Variants in MPI observed in about 807,000 individuals in gnomAD.
The protein encoded by MPI is mannose phosphate isomerase, also known as mannose-6-phosphate isomerase.
A neutral mutation model predicts 40.1 loss-of-function variants in MPI; 33 were observed. The observed-to-expected ratio is 0.82, with a 90% CI of 0.62 to 1.10. The LOEUF is 1.10. Ranked by LOEUF, MPI falls within the 50% of genes least tolerant of loss-of-function variation. MPI has a pLI of 0.00. For missense variants in MPI, 514 were observed against 524.1 expected, an observed-to-expected ratio of 0.98 and a Z score of 0.19; for synonymous variants, 187 against 207.4, an observed-to-expected ratio of 0.90 and a Z score of 0.85.
In MPI at chr15:74,897,783, C is replaced by A; in HGVS notation, c.*53C>A. ...GCCAGCCACCCTAAATTCCAGCCAA[C>A]CTCACCTCCTCGGGCCCAGCTCAAG... On this transcript the variant is annotated 3_prime_UTR_variant, in exon 8 of 8. Transcript: ENST00000352410. 6.4e-7 allele frequency: 1 copy of A among 1,557,510 alleles called. No individual in the cohort carries two copies. The highest frequency in any genetic ancestry group is 8.8e-7 in the Non-Finnish European group (1 of 1,131,378).
At chr15:74,894,221 T>C (rs1346296792) in intron 5 of MPI, among the ~76,000 whole-genome samples, 1 of 151,714 alleles carries the variant, frequency 6.6e-6, no homozygotes, top group East Asian at 2.0e-4. Context: ...GTAGCTGGGA[T>C]TACAGGCATG....
At position 74,900,055 on chromosome 15, in the gene MPI, T is replaced by G. The variant is rs1051302097; in HGVS notation, c.*2325T>G. On this transcript the variant is annotated 3_prime_UTR_variant, in exon 8 of 8. Coordinates refer to ENST00000352410, the MANE Select transcript of MPI (RefSeq NM_002435.3). ...GTAGAAGTGCAAGCCAAGAGTTCTA[T>G]AGAGTAGTACATAAACACCATATGG... 1 of 152,214 alleles carries G rather than the reference T, an allele frequency of 6.6e-6. No homozygotes were observed. The highest frequency in any genetic ancestry group is 6.5e-5 in the Admixed American group (1 of 15,284). 9.4% of individuals were successfully genotyped at this position (152,214 alleles called of 1,614,324 possible).
In MPI at chr15:74,890,105, G is replaced by A; in HGVS notation, c.16+16G>A. On this transcript the variant is annotated intron_variant, in intron 1 of 7. Coordinates refer to ENST00000352410, the MANE Select transcript of MPI (RefSeq NM_002435.3). ...GCTCCGCGAGGTGAGCCATTGGCTG[G>A]GGTGTCGGCGAGTGTGTTCGTGGAG... The A allele has an allele frequency of 6.2e-7, 1 of 1,607,906 alleles. No homozygotes were observed. The highest frequency in any genetic ancestry group is 8.5e-7 in the Non-Finnish European group (1 of 1,179,950).
In MPI at chr15:74,890,063, A is replaced by AG. The variant is rs760560338; in HGVS notation, c.-6dup. 40 of 1,606,776 alleles carry AG rather than the reference A, an allele frequency of 2.5e-5. No homozygotes were observed. The highest frequency in any genetic ancestry group is 3.3e-5 in the South Asian group (3 of 91,050). On this transcript the variant is annotated 5_prime_UTR_variant, in exon 1 of 8. Transcript: ENST00000352410. ...AGGCATACGTGCTTAATCCTGGTGC[A>AG]GGGGGCGAGCATGGCCGCTCCGCGA... is the stretch of plus-strand genomic sequence containing the variant.
intron 6 of MPI, chr15:74,896,573 CAGTGTGGGA>C: frequency 1.5e-6 from 1 of 660,882 alleles, no homozygotes; most frequent in Non-Finnish European, 2.7e-6. Context: ...TCCTGCCAGT[CAGTGTGGGA>C]ACCACAATTT....
At chr15:74,896,438 T>C (rs563258287) in intron 6 of MPI, 113 bp downstream of exon 6, 2 of 1,240,368 alleles carry the variant, frequency 1.6e-6, no homozygotes, top group South Asian at 2.5e-5. Flanking sequence ...ACCTTGCAGC[T>C]CTGACCTCTG....
chr15:74,895,924 G>T, intron 5 of MPI: 1 of 583,930 alleles, frequency 1.7e-6, no homozygotes, highest in Non-Finnish European at 3.1e-6. Context: ...GTATAGTCCT[G>T]GGCATATGAA....
At chr15:74,893,091 C>T in intron 4 of MPI, 47 bp from the exon 5 acceptor site, 1 of 1,609,366 alleles carries the variant, frequency 6.2e-7, no homozygotes. Flanking sequence ...TGTGTGGGTT[C>T]CATCTTACCA....
chr15:74,890,934 T>C (rs2064716747), intron 2 of MPI: 1 of 598,834 alleles, frequency 1.7e-6, no homozygotes, highest in Middle Eastern at 2.6e-4. Context: ...TTTGACTATT[T>C]TTTTGCATTT....
chr15:74,901,889 G>A lies in MPI; in HGVS notation c.*4159G>A, dbSNP rs1386474704. ...CAAGGAAATACAAATAAATAAATAT[G>A]AACATGTCAGAGCAGTTTTTCTCTA... On this transcript the variant is annotated 3_prime_UTR_variant, in exon 8 of 8. Transcript: ENST00000352410. 1 of 386,032 alleles carries A rather than the reference G, an allele frequency of 2.6e-6. No individual in the cohort carries two copies. Among genetic ancestry groups the A allele is most frequent in the Admixed American group, 4.5e-5 (1 of 22,296 alleles). The allele number at this position is 386,032 out of a possible 1,614,324, so 23.9% of individuals were successfully genotyped here. A position where few individuals can be genotyped will look rare whatever the true frequency, so the allele number is the denominator to read the frequency against.
chr15:74,894,454 T>C (rs930429653), intron 5 of MPI, among the ~76,000 whole-genome samples: 9 of 150,652 alleles, frequency 6.0e-5, no homozygotes, highest in Non-Finnish European at 1.0e-4. Flanking sequence ...CTTTGGGAGG[T>C]TGAGGCGGCC....
At chr15:74,890,484 G>A in intron 1 of MPI, 43 bp from the exon 2 acceptor site, 11 of 1,613,312 alleles carry the variant, frequency 6.8e-6, no homozygotes, top group Non-Finnish European at 8.5e-6. Context: ...CTAGGGTGGG[G>A]CCTGAGGAGT....
At chr15:74,894,038 C>G (rs62004161) in intron 5 of MPI, among the ~76,000 whole-genome samples, 1,468 of 66,478 alleles carry the variant, frequency 0.022, 514 homozygotes, top group Non-Finnish European at 0.05. Flanking sequence ...TTTTTCTGTT[C>G]AGTGTGTGTG....
At position 74,901,736 on chromosome 15, in the gene MPI, A is replaced by C. The variant is rs2064967440; in HGVS notation, c.*4006A>C. On this transcript the variant is annotated 3_prime_UTR_variant, in exon 8 of 8. Transcript: ENST00000352410. ...AAAAGTTTAAAAAGTAAACAATAGG[A>C]AGGCACCGGACTGCTCCCTGTAGCT... 1 of 188,984 alleles carries C rather than the reference A, an allele frequency of 5.3e-6. No individual in the cohort carries two copies. The highest frequency in any genetic ancestry group is 1.9e-4 in the South Asian group (1 of 5,146). 11.7% of individuals were successfully genotyped at this position (188,984 alleles called of 1,614,324 possible).
chr15:74,890,582 C>T lies in MPI; in HGVS notation c.72C>T (p.Asn24=). Residue 24 remains asparagine, a synonymous_variant, in exon 2 of 8, where the codon AAC becomes AAT. Coordinates refer to ENST00000352410, the MANE Select transcript of MPI (RefSeq NM_002435.3). Reference sequence around the variant, plus strand: ...ATGCCTGGGGGAAGATGGGTTCCAACAGCGAAGTGGCGCGGCTGTTGGCCA... The same window carrying T: ...ATGCCTGGGGGAAGATGGGTTCCAATAGCGAAGTGGCGCGGCTGTTGGCCA... ...QQYAWGKMGS[N]SEVARLLASS... The T allele has an allele frequency of 6.2e-7, 1 of 1,614,208 alleles. No homozygotes were observed. The highest frequency in any genetic ancestry group is 8.5e-7 in the Non-Finnish European group (1 of 1,180,054).
chr15:74,896,182 T>C lies in MPI; in HGVS notation c.701T>C (p.Phe234Ser), dbSNP rs1332769798. The C allele has an allele frequency of 2.5e-6, 4 of 1,614,040 alleles. No homozygotes were observed. The highest frequency in any genetic ancestry group is 2.2e-5 in the East Asian group (1 of 44,898). The change falls in exon 6 of 8, where the codon TTT (phenylalanine) becomes TCT (serine). Residue 234 changes from phenylalanine (F) to serine (S), a missense_variant. Coordinates refer to ENST00000352410, the MANE Select transcript of MPI (RefSeq NM_002435.3). The part of the protein sequence containing the change: ...AAAGNNMEDI[F>S]GELLLQLHQQ... ...GCCGGAAACAACATGGAGGACATCT[T>C]TGGGGAGCTTTTGCTACAGCTGCAC...
chr15:74,897,832 T>G lies in MPI; in HGVS notation c.*102T>G, dbSNP rs529471261. 4.4e-6 allele frequency: 5 copies of G among 1,142,152 alleles called. No homozygotes were observed. In the African/African-American group the frequency reaches 7.6e-5, roughly 17 times the overall value. 70.8% of individuals were successfully genotyped at this position (1,142,152 alleles called of 1,614,324 possible). A position where few individuals can be genotyped will look rare whatever the true frequency, so the allele number is the denominator to read the frequency against. ...AGCCCCCTTCCTTGCTCTGGACCCCTTAGGTATACCCTGGAAGAGCTGGGG... is the reference window on the plus strand; with the variant it reads ...AGCCCCCTTCCTTGCTCTGGACCCCGTAGGTATACCCTGGAAGAGCTGGGG... On this transcript the variant is annotated 3_prime_UTR_variant, in exon 8 of 8. Coordinates refer to ENST00000352410, the MANE Select transcript of MPI (RefSeq NM_002435.3).
At chr15:74,891,668 C>A in intron 3 of MPI, 89 bp downstream of exon 3, 1 of 1,438,652 alleles carries the variant, frequency 7.0e-7, no homozygotes, top group Non-Finnish European at 9.8e-7. Flanking sequence ...TTTTACCCCA[C>A]CCATGCCAGG....
intron 6 of MPI, chr15:74,896,601 G>T: frequency 1.6e-6 from 1 of 630,836 alleles, no homozygotes; most frequent in Non-Finnish European, 2.8e-6. Context: ...TTGAACGCAG[G>T]CTATATTGGA....
Sources: gnomAD v4.1 joint callset for allele counts (sites outside exome capture counted in the v4.1 genomes callset) on GRCh38, gnomAD v4.1.1 for gene constraint, MANE v1.5 for transcripts, NCBI Gene and HGNC (gene_info 2026-07-23, HGNC 2026-07-21) for gene names.